The following EDNRB variants were observed in gnomAD, a reference collection of about 807,000 sequenced individuals.
EDNRB encodes endothelin receptor type B, also known as Hirschsprung disease 2.
Under a neutral mutation model 46.4 loss-of-function variants are expected in EDNRB, and 18 were observed. That is an observed-to-expected ratio of 0.39 (90% CI 0.27 to 0.57). The LOEUF (loss-of-function observed/expected upper bound fraction) is 0.57. EDNRB is among the 20% of genes least tolerant of loss of function. The pLI, the probability that EDNRB is intolerant of heterozygous loss-of-function variation, is 0.61. For synonymous variants in EDNRB, 213 were observed against 204.9 expected (o/e 1.04, Z -0.34); for missense variants, 434 against 537.5 (o/e 0.81, Z 1.90).
chr13:77,956,926 C>T (rs1443681509), intron 1 of EDNRB, among the ~76,000 whole-genome samples: 1 of 152,126 alleles, frequency 6.6e-6, no homozygotes, highest in East Asian at 1.9e-4. Flanking sequence ...GTATAATCTG[C>T]CTTCAAAAGG....
intron 1 of EDNRB, among the ~76,000 whole-genome samples, chr13:77,970,605 T>TATA (rs1415024478): frequency 3.3e-5 from 5 of 151,872 alleles, no homozygotes; most frequent in Non-Finnish European, 5.9e-5. Flanking sequence ...TTATTATTAT[T>TATA]TTGGCTAACA....
upstream of EDNRB, among the ~76,000 whole-genome samples, chr13:77,923,903 T>C (rs1197269505): frequency 6.6e-6 from 1 of 152,170 alleles, no homozygotes; most frequent in Non-Finnish European, 1.5e-5. Flanking sequence ...TTAACAACTG[T>C]ACTTAATCAA....
chr13:77,900,709 T>C (rs531691342), intron 4 of EDNRB, 55 bp from the exon 5 acceptor site: 2 of 1,608,538 alleles, frequency 1.2e-6, no homozygotes, highest in South Asian at 1.1e-5. Flanking sequence ...ACTCATAGCA[T>C]TCTATCTTCT....
intron 1 of EDNRB, among the ~76,000 whole-genome samples, chr13:77,960,731 G>A (rs1881382639): frequency 1.3e-5 from 2 of 152,000 alleles, no homozygotes; most frequent in African/African-American, 4.8e-5. Context: ...CCAGTTAAAA[G>A]ACACAGACTG....
upstream of EDNRB, chr13:77,919,423 G>A (rs1594374805): frequency 6.2e-7 from 1 of 1,612,554 alleles, no homozygotes; most frequent in Non-Finnish European, 8.5e-7. Context: ...ACCAGATGCA[G>A]AGCGACGAAT....
At chr13:77,900,430 GT>G (rs1470836421) in intron 5 of EDNRB, 90 bp downstream of exon 5, 2 of 1,574,122 alleles carry the variant, frequency 1.3e-6, no homozygotes, top group African/African-American at 2.7e-5. Context: ...TAGAAAAATG[GT>G]AGTCTGTCTT....
chr13:77,927,603 T>C (rs975529978), intron 1 of EDNRB, among the ~76,000 whole-genome samples: 3 of 152,244 alleles, frequency 2.0e-5, no homozygotes, highest in African/African-American at 7.2e-5. Context: ...TGAATGATTA[T>C]CATTACTGGG....
Position 77,897,533 on chromosome 13 carries a change from T to A in EDNRB, c.*667A>T. ...TGCCAGTCTGTTACATGCTGCTTGT[T>A]TGTGACATGTTGGTTACATATTGCA... is the stretch of plus-strand genomic sequence containing the variant. On this transcript the variant is annotated 3_prime_UTR_variant, in exon 7 of 7. Transcript: ENST00000646607. 1 of 983,250 alleles carries A rather than the reference T, an allele frequency of 1.0e-6. No individual in the cohort carries two copies. Among genetic ancestry groups the A allele is most frequent in the Non-Finnish European group, 1.2e-6 (1 of 828,146 alleles). The allele number at this position is 983,250 out of a possible 1,614,324, so 60.9% of individuals were successfully genotyped here.
intron 1 of EDNRB, among the ~76,000 whole-genome samples, chr13:77,963,467 A>G (rs969211015): frequency 5.9e-5 from 9 of 152,180 alleles, no homozygotes; most frequent in African/African-American, 2.2e-4. Context: ...ATAATACCAT[A>G]TATCTACAAC....
At chr13:77,900,093 T>C (rs1158861381) in intron 5 of EDNRB, 126 bp from the exon 6 acceptor site, 1 of 777,888 alleles carries the variant, frequency 1.3e-6, no homozygotes, top group African/African-American at 1.7e-5. Flanking sequence ...TTATCACTCG[T>C]CTTTGCTAAC....
rs201988235 is a variant in EDNRB, at chr13:77,900,704, T to C, written c.952-50A>G. ...CTTAAAAGATGGCTCATTTTACTCATAGCATTCTATCTTCTAAAACGACAT... is the reference window on the plus strand; with the variant it reads ...CTTAAAAGATGGCTCATTTTACTCACAGCATTCTATCTTCTAAAACGACAT... On this transcript the variant is annotated intron_variant, in intron 4 of 6. Coordinates refer to ENST00000646607, the MANE Select transcript of EDNRB (RefSeq NM_001122659.3). The C allele has an allele frequency of 2.2e-5, 36 of 1,610,020 alleles. No individual in the cohort carries two copies. The East Asian group carries it at 7.6e-4, about 34-fold the overall frequency.
At chr13:77,898,437 T>C (rs1566303045) in intron 6 of EDNRB, 103 bp from the exon 7 acceptor site, 5 of 1,534,774 alleles carry the variant, frequency 3.3e-6, no homozygotes, top group East Asian at 4.7e-5. Context: ...TAGGAGTTCT[T>C]GGGCCCTTTC....
intron 1 of EDNRB, among the ~76,000 whole-genome samples, chr13:77,929,401 G>C (rs913103419): frequency 1.3e-5 from 2 of 152,102 alleles, no homozygotes; most frequent in Non-Finnish European, 2.9e-5. Context: ...CCAATATTTT[G>C]TTGGCATCAG....
rs1446302759 is a variant in EDNRB at position 77,946,996 on chromosome 13, A to G, written c.-52+28351T>C. Among the ~76,000 whole-genome samples, 24 of 152,218 alleles carry G rather than the reference A, an allele frequency of 1.6e-4. 1 individual carries two copies. On this transcript the variant is annotated intron_variant, in intron 1 of 7. Coordinates refer to the EDNRB transcript ENST00000646948. ...ATGGGGGTACAGGATTAAGAATGAA[A>G]TCTATGACTGTTTTTCAAAAGCCTT...
rs1173526846 is a variant in EDNRB, at chr13:77,918,651, A to G, written c.-78T>C. 2 of 1,494,850 alleles carry G rather than the reference A, an allele frequency of 1.3e-6. No homozygotes were observed. Among genetic ancestry groups the G allele is most frequent in the South Asian group, 2.7e-5 (2 of 73,048 alleles). 92.6% of individuals were successfully genotyped at this position (1,494,850 alleles called of 1,614,324 possible). A position where few individuals can be genotyped will look rare whatever the true frequency, so the allele number is the denominator to read the frequency against. ...TAGAGACAAGCAGAGGAAGGAAGACAGGACACTTGGGTCAGCTGCCCGAGC... is the reference window on the plus strand; with the variant it reads ...TAGAGACAAGCAGAGGAAGGAAGACGGGACACTTGGGTCAGCTGCCCGAGC... On this transcript the variant is annotated 5_prime_UTR_variant, in exon 1 of 7. Transcript: ENST00000646607. The surrounding 1 kb of genome is among the most constrained non-coding windows in gnomAD (Gnocchi z 4.5).
intron 1 of EDNRB, among the ~76,000 whole-genome samples, chr13:77,951,347 A>G (rs79689465): frequency 0.028 from 4,216 of 152,294 alleles, 187 homozygotes; most frequent in African/African-American, 0.095. Flanking sequence ...AGTGCTTCTC[A>G]ATCACACCTA....
intron 1 of EDNRB, among the ~76,000 whole-genome samples, chr13:77,964,471 C>T (rs1321581610): frequency 6.6e-6 from 1 of 152,182 alleles, no homozygotes; most frequent in Admixed American, 6.5e-5. Context: ...AGTTCATGTC[C>T]TTTGTTGAGA....
intron 1 of EDNRB, among the ~76,000 whole-genome samples, chr13:77,929,021 G>A (rs1880314562): frequency 6.6e-6 from 1 of 152,106 alleles, no homozygotes; most frequent in Admixed American, 6.5e-5. Context: ...CTATTTAAAC[G>A]TTCATCAGCT....
chr13:77,962,698 T>C (rs1881461608), intron 1 of EDNRB, among the ~76,000 whole-genome samples: 1 of 152,306 alleles, frequency 6.6e-6, no homozygotes, highest in South Asian at 2.1e-4. Context: ...AGCATTCCGT[T>C]TGAAAACTGG....
Sources: gnomAD v4.1 joint callset for allele counts (sites outside exome capture counted in the v4.1 genomes callset) on GRCh38, gnomAD v4.1.1 for gene constraint, Gnocchi (gnomAD v3.1) non-coding constraint, MANE v1.5 for transcripts, NCBI Gene and HGNC (gene_info 2026-07-23, HGNC 2026-07-21) for gene names.